Variants in SMYD3 observed in about 807,000 individuals in gnomAD.
SMYD3 encodes the protein histone-lysine N-methyltransferase SMYD3.
Under a neutral mutation model 57.7 loss-of-function variants are expected in SMYD3, and 36 were observed. The ratio of observed to expected loss-of-function variants is 0.62; its 90% CI spans 0.48 to 0.82. SMYD3 has a LOEUF of 0.82. Among genes scored for constraint, SMYD3 ranks in the 40% least tolerant of loss-of-function variants. The pLI is 0.00. For synonymous variants in SMYD3, 211 were observed against 195.0 expected, an observed-to-expected ratio of 1.08 and a Z score of -0.68; for missense variants, 515 against 538.8, an observed-to-expected ratio of 0.96 and a Z score of 0.44.
At chr1:246,245,772 G>A (rs2063693933) in intron 5 of SMYD3, among the ~76,000 whole-genome samples, 1 of 152,074 alleles carries the variant, frequency 6.6e-6, no homozygotes, top group Non-Finnish European at 1.5e-5. Flanking sequence ...CTACACCAAT[G>A]AACCACTAAA....
chr1:246,502,294 G>A (rs2068468573), intron 1 of SMYD3, among the ~76,000 whole-genome samples: 1 of 151,720 alleles, frequency 6.6e-6, no homozygotes, highest in Non-Finnish European at 1.5e-5. Context: ...ATGCACCCAG[G>A]TAATTATTTG....
intron 5 of SMYD3, among the ~76,000 whole-genome samples, chr1:246,265,016 T>C (rs2064077851): frequency 6.6e-6 from 1 of 152,252 alleles, no homozygotes; most frequent in Admixed American, 6.5e-5. Context: ...AAGGTGCATA[T>C]GAAGAGAAGC....
chr1:246,001,099 G>A (rs928482918), intron 5 of SMYD3, among the ~76,000 whole-genome samples: 18 of 152,160 alleles, frequency 1.2e-4, no homozygotes, highest in African/African-American at 4.3e-4. Flanking sequence ...GGAGGGAAAC[G>A]AGACTGATGC....
At chr1:246,481,625 T>TATATATATATATATATATATAC (rs1459254899) in intron 1 of SMYD3, among the ~76,000 whole-genome samples, 1 of 90,440 alleles carries the variant, frequency 1.1e-5, no homozygotes, top group African/African-American at 5.6e-5. Flanking sequence ...CATATATACA[T>TATATATATATATATATATATAC]ACATACATAC....
intron 1 of SMYD3, among the ~76,000 whole-genome samples, chr1:246,456,921 C>T (rs751795073): frequency 2.0e-5 from 3 of 152,268 alleles, no homozygotes; most frequent in Non-Finnish European, 2.9e-5. Flanking sequence ...CCTAGTACAC[C>T]GAATGGACCA....
At chr1:246,475,039 G>A (rs1324280506) in intron 1 of SMYD3, among the ~76,000 whole-genome samples, 1 of 152,112 alleles carries the variant, frequency 6.6e-6, no homozygotes, top group South Asian at 2.1e-4. Flanking sequence ...GTACTTGGTC[G>A]GGCGCGGTGG....
chr1:246,355,328 G>C lies in SMYD3; in HGVS notation c.165-234C>G. On this transcript the variant is annotated intron_variant, in intron 1 of 11. Transcript: ENST00000490107. The surrounding 1 kb of genome is among the most constrained non-coding windows in gnomAD (Gnocchi z 5.0). The stretch of plus-strand genomic sequence containing the variant: ...TCTGACAGAAGATGGCGGGGAAGAG[G>C]CAGGACCAGCTTGCAGCTCCCGATC... 2 of 502,938 alleles carry C rather than the reference G, an allele frequency of 4.0e-6. No individual in the cohort carries two copies. The highest frequency in any genetic ancestry group is 7.1e-6 in the Non-Finnish European group (2 of 280,786). 31.2% of individuals were successfully genotyped at this position (502,938 alleles called of 1,614,324 possible).
intron 10 of SMYD3, among the ~76,000 whole-genome samples, chr1:245,823,221 C>T (rs2049277090): frequency 6.6e-6 from 1 of 152,234 alleles, no homozygotes; most frequent in African/African-American, 2.4e-5. Flanking sequence ...TTCATCTCTT[C>T]TACATTGTTC....
At chr1:246,351,492 T>C (rs2065823020) in intron 2 of SMYD3, among the ~76,000 whole-genome samples, 1 of 152,134 alleles carries the variant, frequency 6.6e-6, no homozygotes, top group Non-Finnish European at 1.5e-5. Flanking sequence ...TTTATAGCAA[T>C]AGAGAAAAAA....
chr1:246,314,506 C>T (rs1380564601), intron 5 of SMYD3, among the ~76,000 whole-genome samples: 2 of 152,118 alleles, frequency 1.3e-5, no homozygotes, highest in Non-Finnish European at 2.9e-5. Context: ...CATTAAAGTA[C>T]TTGGTAGAAT....
At chr1:246,206,148 A>T (rs1451815034) in intron 5 of SMYD3, among the ~76,000 whole-genome samples, 2 of 152,176 alleles carry the variant, frequency 1.3e-5, no homozygotes, top group African/African-American at 4.8e-5. Flanking sequence ...ATACTAGGGA[A>T]AAAAGAGTAG....
chr1:245,977,164 T>C lies in SMYD3; in HGVS notation c.532-47227A>G, dbSNP rs77795611. On this transcript the variant is annotated intron_variant, in intron 5 of 11. Coordinates refer to ENST00000490107, the MANE Select transcript of SMYD3 (RefSeq NM_001167740.2). ...ACTTCTCTAGACAGAATTAGAATCA[T>C]CTTTTTACAAACATGAAGGATTCAG... 9.9e-3 allele frequency among the ~76,000 whole-genome samples: 1,506 copies of C among 152,338 alleles called. 7 individuals carry two copies. The highest frequency in any genetic ancestry group is 0.015 in the Non-Finnish European group (1,039 of 68,030).
chr1:246,311,920 C>T (rs970147059), intron 5 of SMYD3, among the ~76,000 whole-genome samples: 2 of 152,138 alleles, frequency 1.3e-5, no homozygotes, highest in South Asian at 2.1e-4. Flanking sequence ...TGAAGAAACA[C>T]ACTGGCAATG....
intron 5 of SMYD3, among the ~76,000 whole-genome samples, chr1:246,080,544 C>T (rs778503793): frequency 5.9e-5 from 9 of 152,244 alleles, no homozygotes; most frequent in Non-Finnish European, 8.8e-5. Context: ...TTGGGAACCA[C>T]TGTCCTAGGG....
In SMYD3 at chr1:245,892,062, C is replaced by T. The variant is rs564135883; in HGVS notation, c.813+23468G>A. On this transcript the variant is annotated intron_variant, in intron 8 of 11. Transcript: ENST00000490107. Reference sequence around the variant, plus strand: ...CAGAAAAAAGAAAGAAAGAAAAACACCAACCACCCCAGCACAGTGACCACT... The same window carrying T: ...CAGAAAAAAGAAAGAAAGAAAAACATCAACCACCCCAGCACAGTGACCACT... 1.6e-4 allele frequency among the ~76,000 whole-genome samples: 25 copies of T among 151,992 alleles called. 1 individual carries two copies. The South Asian group carries it at 5.2e-3, about 32-fold the overall frequency.
chr1:246,450,378 A>G (rs2067615181), intron 1 of SMYD3, among the ~76,000 whole-genome samples: 1 of 152,000 alleles, frequency 6.6e-6, no homozygotes, highest in South Asian at 2.1e-4. Context: ...TCAATAAATC[A>G]GGCTGCTCTC....
rs770882378 is a variant in SMYD3 at position 246,134,713 on chromosome 1, T to G, written c.531+192488A>C. On this transcript the variant is annotated intron_variant, in intron 5 of 11. Transcript: ENST00000490107. ...TCTGAACAGGAGACATAAGACCCTC[T>G]GACTTTTAGAGGGTTAAATAACCAT... 3.3e-5 allele frequency among the ~76,000 whole-genome samples: 5 copies of G among 152,168 alleles called. No homozygotes were observed. The South Asian group carries it at 6.2e-4, about 19-fold the overall frequency.
At chr1:246,100,849 A>G (rs1259088213) in intron 5 of SMYD3, among the ~76,000 whole-genome samples, 1 of 151,712 alleles carries the variant, frequency 6.6e-6, no homozygotes, top group African/African-American at 2.4e-5. Context: ...TTGTCCATGC[A>G]GTCTTACCAT....
At chr1:246,003,621 C>T (rs1485645149) in intron 5 of SMYD3, among the ~76,000 whole-genome samples, 2 of 152,128 alleles carry the variant, frequency 1.3e-5, no homozygotes, top group African/African-American at 2.4e-5. Flanking sequence ...AAATACATTG[C>T]CTTTAGATGT....
Sources: gnomAD v4.1 joint callset for allele counts (sites outside exome capture counted in the v4.1 genomes callset) on GRCh38, gnomAD v4.1.1 for gene constraint, Gnocchi (gnomAD v3.1) non-coding constraint, MANE v1.5 for transcripts, NCBI Gene and HGNC (gene_info 2026-07-23, HGNC 2026-07-21) for gene names.